Variants in CEP41 observed in about 807,000 individuals in gnomAD.
CEP41 encodes the protein centrosomal protein 41, also known as centrosomal protein of 41 kDa.
Under a neutral mutation model 44.3 loss-of-function variants are expected in CEP41, and 32 were observed. The observed-to-expected ratio is 0.72, with a 90% CI of 0.54 to 0.97. The LOEUF (loss-of-function observed/expected upper bound fraction) is 0.97. Among genes scored for constraint, CEP41 ranks in the 50% least tolerant of loss-of-function variants. CEP41 has a pLI of 0.00. For missense variants in CEP41, 432 were observed against 455.2 expected (o/e 0.95, Z 0.46); for synonymous variants, 151 against 168.5 (o/e 0.90, Z 0.80).
Position 130,396,803 on chromosome 7 carries a change from C to A in CEP41, c.*2088G>T. 2 of 453,958 alleles carry A rather than the reference C, an allele frequency of 4.4e-6. No individual in the cohort carries two copies. Among genetic ancestry groups the A allele is most frequent in the Middle Eastern group, 6.9e-4 (1 of 1,444 alleles). 28.1% of individuals were successfully genotyped at this position (453,958 alleles called of 1,614,324 possible). On this transcript the variant is annotated 3_prime_UTR_variant, in exon 11 of 11. Coordinates refer to ENST00000223208, the MANE Select transcript of CEP41 (RefSeq NM_018718.3). ...AATACACATAAATATATCCAACCTG[C>A]CAGATCTCTCAGGTGAGTGCACACC...
At chr7:130,425,886 G>A (rs1484316606) in intron 2 of CEP41, among the ~76,000 whole-genome samples, 1 of 152,162 alleles carries the variant, frequency 6.6e-6, no homozygotes, top group Non-Finnish European at 1.5e-5. Context: ...AAGTGAAAAA[G>A]CCAATCCAAA....
At chr7:130,439,491 T>A (rs1554426995) in intron 1 of CEP41, among the ~76,000 whole-genome samples, 1 of 152,162 alleles carries the variant, frequency 6.6e-6, no homozygotes, top group Non-Finnish European at 1.5e-5. Flanking sequence ...TAACTGTAAC[T>A]TTGTGCCCTT....
Position 130,397,505 on chromosome 7 carries a change from CATTTTT to C in CEP41, c.*1380_*1385del. 5.4e-6 allele frequency: 2 copies of C among 371,206 alleles called. No homozygotes were observed. Among genetic ancestry groups the C allele is most frequent in the South Asian group, 1.8e-5 (1 of 54,480 alleles). 23.0% of individuals were successfully genotyped at this position (371,206 alleles called of 1,614,324 possible). A position where few individuals can be genotyped will look rare whatever the true frequency, so the allele number is the denominator to read the frequency against. The stretch of plus-strand genomic sequence containing the variant: ...CCCCCATGCTAGAAATACTGTGGTG[CATTTTT>C]TTTTTTTTTTTTTTTTTTTTTTGGT... On this transcript the variant is annotated 3_prime_UTR_variant, in exon 11 of 11. Transcript: ENST00000223208.
At chr7:130,435,185 GAGA>G (rs1797927272) in intron 1 of CEP41, among the ~76,000 whole-genome samples, 1 of 152,104 alleles carries the variant, frequency 6.6e-6, no homozygotes, top group Non-Finnish European at 1.5e-5. Flanking sequence ...CAAATGTACA[GAGA>G]AGGTTTGGAA....
At chr7:130,418,629 A>T (rs886159677) in intron 2 of CEP41, among the ~76,000 whole-genome samples, 3 of 152,208 alleles carry the variant, frequency 2.0e-5, no homozygotes, top group Non-Finnish European at 2.9e-5. Flanking sequence ...AGGGACAAAA[A>T]GGAACACCTG....
Position 130,400,041 on chromosome 7 carries a change from G to A in CEP41, c.971C>T (p.Pro324Leu), listed in dbSNP as rs782474335. Reference sequence around the variant, plus strand: ...CTTTAAAGGTCAAAAGATCTTACTAGGATGATCTGCAGGCCCTTGCTCCTC... The same window carrying A: ...CTTTAAAGGTCAAAAGATCTTACTAAGATGATCTGCAGGCCCTTGCTCCTC... ...LEEEQGPADH[P>L]SRLNQANSSG... The change falls in exon 10 of 11, where the codon CCT becomes CTT. Residue 324 changes from proline to leucine, a missense_variant and splice_region_variant. Physicochemically the swap from Pro to Leu is moderately conservative, Grantham distance 98 (BLOSUM62 -3). Coordinates refer to ENST00000223208, the MANE Select transcript of CEP41 (RefSeq NM_018718.3). 7.5e-6 allele frequency: 12 copies of A among 1,589,860 alleles called. No individual in the cohort carries two copies. The highest frequency in any genetic ancestry group is 2.2e-4 in the Middle Eastern group (1 of 4,630).
At chr7:130,418,035 C>T (rs964396473) in intron 2 of CEP41, among the ~76,000 whole-genome samples, 1 of 152,178 alleles carries the variant, frequency 6.6e-6, no homozygotes, top group Non-Finnish European at 1.5e-5. Context: ...ATTTCATTGG[C>T]TATTATTAAA....
intron 6 of CEP41, among the ~76,000 whole-genome samples, chr7:130,403,474 G>C (rs545769718): frequency 2.0e-5 from 3 of 152,210 alleles, no homozygotes; most frequent in African/African-American, 7.2e-5. Context: ...CACTGAAACT[G>C]GTCACCATCT....
At position 130,396,689 on chromosome 7, in the gene CEP41, C is replaced by T; in HGVS notation, c.*2202G>A. 1 of 454,510 alleles carries T rather than the reference C, an allele frequency of 2.2e-6. No individual in the cohort carries two copies. The highest frequency in any genetic ancestry group is 4.4e-6 in the Non-Finnish European group (1 of 226,788). The allele number at this position is 454,510 out of a possible 1,614,324, so 28.2% of individuals were successfully genotyped here. A position where few individuals can be genotyped will look rare whatever the true frequency, so the allele number is the denominator to read the frequency against. On this transcript the variant is annotated 3_prime_UTR_variant, in exon 11 of 11. Coordinates refer to ENST00000223208, the MANE Select transcript of CEP41 (RefSeq NM_018718.3). ...ACGTAAAGAATGTTTGATATTAACA[C>T]TTAACATGCAAAACGCAGATTAGAA...
At chr7:130,407,176 A>C (rs1584876689) in intron 5 of CEP41, among the ~76,000 whole-genome samples, 1 of 151,846 alleles carries the variant, frequency 6.6e-6, no homozygotes, top group East Asian at 1.9e-4. Flanking sequence ...TCCCTCCCAA[A>C]TTTAACTTTT....
intron 6 of CEP41, 134 bp from the exon 7 acceptor site, chr7:130,402,933 A>G (rs1796898028): frequency 1.1e-6 from 1 of 914,528 alleles, no homozygotes. Context: ...AGGAAAATGG[A>G]CGTGGTGTCT....
At chr7:130,422,423 T>C (rs2117650703) in intron 2 of CEP41, among the ~76,000 whole-genome samples, 1 of 152,284 alleles carries the variant, frequency 6.6e-6, no homozygotes, top group Non-Finnish European at 1.5e-5. Flanking sequence ...CTCACCCTTT[T>C]CACCTCATGA....
chr7:130,433,451 A>G (rs1173523730), intron 1 of CEP41, among the ~76,000 whole-genome samples: 4 of 152,132 alleles, frequency 2.6e-5, no homozygotes, highest in Non-Finnish European at 2.9e-5. Context: ...CAGCAGGGTC[A>G]ATTTTGGATC....
chr7:130,398,862 C>A lies in CEP41; in HGVS notation c.*29G>T. The A allele has an allele frequency of 6.2e-7, 1 of 1,613,558 alleles. No homozygotes were observed. Among genetic ancestry groups the A allele is most frequent in the South Asian group, 1.1e-5 (1 of 91,072 alleles). On this transcript the variant is annotated 3_prime_UTR_variant, in exon 11 of 11. Transcript: ENST00000223208. ...TCAGGGGTTCTGAAAAGAGGAAGAA[C>A]ATTTATTTGCCTAAGTGAGACAAAG... is the stretch of plus-strand genomic sequence containing the variant.
chr7:130,396,633 A>G lies in CEP41; in HGVS notation c.*2258T>C, dbSNP rs1554414671. 8.8e-6 allele frequency: 4 copies of G among 454,616 alleles called. No individual in the cohort carries two copies. In the Admixed American group the frequency reaches 9.4e-5, roughly 11 times the overall value. 28.2% of individuals were successfully genotyped at this position (454,616 alleles called of 1,614,324 possible). A position where few individuals can be genotyped will look rare whatever the true frequency, so the allele number is the denominator to read the frequency against. ...CAATTAATCTAATGAAGAAACTGGCAAAGTAGAATGTTAAAAGCAATACCT... is the reference window on the plus strand; with the variant it reads ...CAATTAATCTAATGAAGAAACTGGCGAAGTAGAATGTTAAAAGCAATACCT... On this transcript the variant is annotated 3_prime_UTR_variant, in exon 11 of 11. Coordinates refer to ENST00000223208, the MANE Select transcript of CEP41 (RefSeq NM_018718.3).
At chr7:130,399,568 A>T (rs1472784972) in intron 10 of CEP41, 1 of 221,108 alleles carries the variant, frequency 4.5e-6, no homozygotes, top group African/African-American at 2.3e-5. Flanking sequence ...CTGTAATCCT[A>T]GCACTTTGGA....
Position 130,394,935 on chromosome 7 carries a change from C to T in CEP41, c.*3956G>A. ...TCTTTGCCTCACATTTTACCAGGTG[C>T]TTCAGGATGTTACACAGGTGAGAAT... On this transcript the variant is annotated 3_prime_UTR_variant, in exon 11 of 11. Coordinates refer to ENST00000223208, the MANE Select transcript of CEP41 (RefSeq NM_018718.3). 2.2e-6 allele frequency: 1 copy of T among 454,088 alleles called. No individual in the cohort carries two copies. Among genetic ancestry groups the T allele is most frequent in the Non-Finnish European group, 4.4e-6 (1 of 226,784 alleles). The allele number at this position is 454,088 out of a possible 1,614,324, so 28.1% of individuals were successfully genotyped here.
At chr7:130,402,944 C>CAG in intron 6 of CEP41, 145 bp from the exon 7 acceptor site, 1 of 854,346 alleles carries the variant, frequency 1.2e-6, no homozygotes, top group Non-Finnish European at 2.0e-6. Context: ...CGTGGTGTCT[C>CAG]AGTTCTGCCT....
intron 10 of CEP41, chr7:130,399,514 T>C: frequency 4.5e-6 from 1 of 221,328 alleles, no homozygotes; most frequent in Middle Eastern, 1.9e-3. Flanking sequence ...GATATACTTT[T>C]TGATGAAGTC....
Sources: gnomAD v4.1 joint callset for allele counts (sites outside exome capture counted in the v4.1 genomes callset) on GRCh38, gnomAD v4.1.1 for gene constraint, MANE v1.5 for transcripts, NCBI Gene and HGNC (gene_info 2026-07-23, HGNC 2026-07-21) for gene names.